SOWAHC: variants seen among roughly 807,000 people sequenced by gnomAD.
SOWAHC encodes ankyrin repeat domain-containing protein SOWAHC.
A neutral mutation model predicts 14.4 loss-of-function variants in SOWAHC; 12 were observed. The observed-to-expected ratio is 0.83, with a 90% CI of 0.53 to 1.35. The LOEUF (loss-of-function observed/expected upper bound fraction) is 1.35. Ranked by LOEUF, SOWAHC falls within the 40% of genes most tolerant of loss-of-function variation. The pLI is 0.00. For missense variants in SOWAHC, 771 were observed against 752.8 expected (o/e 1.02, Z -0.28); for synonymous variants, 398 against 347.0 (o/e 1.15, Z -1.63).
Position 109,615,798 on chromosome 2 carries a change from GACCATCACC to G in SOWAHC, c.1321_1329del (p.His441_His443del), listed in dbSNP as rs746541329. ...CTCACACGCCCTAGAAGATGGAGGGGACCATCACCACCATCACCACTCGGCTGAGGGGTG... is the reference window on the plus strand; with the variant it reads ...CTCACACGCCCTAGAAGATGGAGGGGACCATCACCACTCGGCTGAGGGGTG... On this transcript the variant is annotated inframe_deletion, in exon 1 of 1. Transcript: ENST00000356454. 3.5e-5 allele frequency: 56 copies of G among 1,614,122 alleles called. No individual in the cohort carries two copies. In the Middle Eastern group the frequency reaches 8.2e-4, roughly 24 times the overall value.
At position 109,615,128 on chromosome 2, in the gene SOWAHC, C is replaced by G; in HGVS notation, c.639C>G (p.Ser213=). 1 of 1,549,748 alleles carries G rather than the reference C, an allele frequency of 6.5e-7. No individual in the cohort carries two copies. The highest frequency in any genetic ancestry group is 8.7e-7 in the Non-Finnish European group (1 of 1,146,796). Residue 213 remains serine, a synonymous_variant, in exon 1 of 1, where the codon TCC becomes TCG. Coordinates refer to ENST00000356454, the MANE Select transcript of SOWAHC (RefSeq NM_023016.4). The part of the protein sequence containing the change: ...QNLRDLVMGS[S]PQLKRSVCPG... The stretch of plus-strand genomic sequence containing the variant: ...TCCGTGACCTGGTGATGGGCAGCTC[C>G]CCGCAGCTGAAGAGGAGCGTGTGTC...
Position 109,615,840 on chromosome 2 carries a change from GGCAAAGCCAAGGATCCAGGGC to G in SOWAHC, c.1360_1380del (p.Lys454_Ala460del), listed in dbSNP as rs749846926. 5.0e-6 allele frequency: 8 copies of G among 1,614,164 alleles called. No homozygotes were observed. Among genetic ancestry groups the G allele is most frequent in the Non-Finnish European group, 6.8e-6 (8 of 1,180,032 alleles). On this transcript the variant is annotated inframe_deletion, in exon 1 of 1. Transcript: ENST00000356454. The stretch of plus-strand genomic sequence containing the variant: ...CCACTCGGCTGAGGGGTGGGTCGGA[GGCAAAGCCAAGGATCCAGGGC>G]GCAAAGCCTCGGGCAGCTCTAGTGG...
chr2:109,614,509 G>GGGGCCCCGAGGCGGCGCT lies in SOWAHC; in HGVS notation c.35_52dup (p.Ala12_Ala17dup), dbSNP rs781518026. 6 of 1,258,534 alleles carry GGGGCCCCGAGGCGGCGCT rather than the reference G, an allele frequency of 4.8e-6. No homozygotes were observed. Among genetic ancestry groups the GGGGCCCCGAGGCGGCGCT allele is most frequent in the South Asian group, 6.3e-5 (2 of 31,866 alleles). The allele number at this position is 1,258,534 out of a possible 1,614,324, so 78.0% of individuals were successfully genotyped here. A position where few individuals can be genotyped will look rare whatever the true frequency, so the allele number is the denominator to read the frequency against. On this transcript the variant is annotated inframe_insertion, in exon 1 of 1. Coordinates refer to ENST00000356454, the MANE Select transcript of SOWAHC (RefSeq NM_023016.4). Reference sequence around the variant, plus strand: ...TCGAGGATGGAGGGGCCGGCAGAGTGGGGCCCCGAGGCGGCGCTGGGCCCC... The same window carrying GGGGCCCCGAGGCGGCGCT: ...TCGAGGATGGAGGGGCCGGCAGAGTGGGGCCCCGAGGCGGCGCTGGGCCCCGAGGCGGCGCTGGGCCCC...
chr2:109,615,096 C>G lies in SOWAHC; in HGVS notation c.607C>G (p.Gln203Glu). The G allele has an allele frequency of 6.5e-7, 1 of 1,549,740 alleles. No individual in the cohort carries two copies. The highest frequency in any genetic ancestry group is 8.7e-7 in the Non-Finnish European group (1 of 1,146,782). The change falls in exon 1 of 1, where the codon CAG becomes GAG. Residue 203 changes from glutamine (Q) to glutamate (E), a missense_variant. Physicochemically the swap from Gln to Glu is conservative, Grantham distance 29. Transcript: ENST00000356454. ...VGATAQRPARQNLRDLVMGSS... is the reference protein window; with the variant it reads ...VGATAQRPARENLRDLVMGSS... Reference sequence around the variant, plus strand: ...GGCTACCGCACAGAGGCCGGCCCGCCAGAACCTCCGTGACCTGGTGATGGG... The same window carrying G: ...GGCTACCGCACAGAGGCCGGCCCGCGAGAACCTCCGTGACCTGGTGATGGG...
At position 109,615,565 on chromosome 2, in the gene SOWAHC, T is replaced by A. The variant is rs776999983; in HGVS notation, c.1076T>A (p.Leu359Gln). Residue 359 changes from leucine to glutamine, a missense_variant, in exon 1 of 1, where the codon CTG becomes CAG. By Grantham distance (113) the Leu-to-Gln change is moderately radical (BLOSUM62 -2). Coordinates refer to ENST00000356454, the MANE Select transcript of SOWAHC (RefSeq NM_023016.4). ...AMHGHVEVVK[L>Q]LVGAYDADVD... ...CACGGCCACGTGGAGGTGGTGAAGC[T>A]GCTGGTGGGGGCCTACGACGCCGAT... 1 of 1,614,006 alleles carries A rather than the reference T, an allele frequency of 6.2e-7. No homozygotes were observed. Among genetic ancestry groups the A allele is most frequent in the South Asian group, 1.1e-5 (1 of 91,084 alleles).
At position 109,615,581 on chromosome 2, in the gene SOWAHC, C is replaced by T; in HGVS notation, c.1092C>T (p.Tyr364=). The change falls in exon 1 of 1, where the codon TAC becomes TAT. Residue 364 remains tyrosine, a synonymous_variant. Transcript: ENST00000356454. ...VEVVKLLVGA[Y]DADVDIRDYS... ...TGGTGAAGCTGCTGGTGGGGGCCTA[C>T]GACGCCGATGTGGACATCAGGGACT... The T allele has an allele frequency of 1.2e-6, 2 of 1,614,074 alleles. No individual in the cohort carries two copies. Among genetic ancestry groups the T allele is most frequent in the South Asian group, 1.1e-5 (1 of 91,090 alleles).
At position 109,614,967 on chromosome 2, in the gene SOWAHC, G is replaced by T. The variant is rs1488604022; in HGVS notation, c.478G>T (p.Asp160Tyr). ...GGCTCGCAGGAAGAACTCGCGGCGC[G>T]ACGTGCAGCCCCTACCGCGGACTCC... The part of the protein sequence containing the change: ...AGARRKNSRR[D>Y]VQPLPRTPAP... Residue 160 changes from aspartate to tyrosine, a missense_variant, in exon 1 of 1, where the codon GAC becomes TAC. Coordinates refer to ENST00000356454, the MANE Select transcript of SOWAHC (RefSeq NM_023016.4). 6.5e-7 allele frequency: 1 copy of T among 1,528,856 alleles called. No individual in the cohort carries two copies. The highest frequency in any genetic ancestry group is 8.8e-7 in the Non-Finnish European group (1 of 1,141,558). 94.7% of individuals were successfully genotyped at this position (1,528,856 alleles called of 1,614,324 possible).
In SOWAHC at chr2:109,615,300, T is replaced by C; in HGVS notation, c.811T>C (p.Trp271Arg). The C allele has an allele frequency of 6.2e-7, 1 of 1,603,096 alleles. No individual in the cohort carries two copies. Among genetic ancestry groups the C allele is most frequent in the Non-Finnish European group, 8.5e-7 (1 of 1,175,778 alleles). The part of the protein sequence containing the change: ...SVTLDPLEHA[W>R]MLSASDGKWD... Reference sequence around the variant, plus strand: ...GACGCTGGACCCCCTGGAGCACGCGTGGATGCTCTCTGCCTCCGATGGCAA... The same window carrying C: ...GACGCTGGACCCCCTGGAGCACGCGCGGATGCTCTCTGCCTCCGATGGCAA... Residue 271 changes from tryptophan to arginine, a missense_variant, in exon 1 of 1, where the codon TGG (tryptophan) becomes CGG (arginine). By Grantham distance (101) the Trp-to-Arg change is moderately radical. Coordinates refer to ENST00000356454, the MANE Select transcript of SOWAHC (RefSeq NM_023016.4).
rs1307726401 is a variant in SOWAHC at position 109,616,292 on chromosome 2, T to G, written c.*225T>G. 1.0e-5 allele frequency: 5 copies of G among 484,382 alleles called. No individual in the cohort carries two copies. Among genetic ancestry groups the G allele is most frequent in the Non-Finnish European group, 1.3e-5 (4 of 306,708 alleles). The allele number at this position is 484,382 out of a possible 1,614,324, so 30.0% of individuals were successfully genotyped here. On this transcript the variant is annotated 3_prime_UTR_variant, in exon 1 of 1. Coordinates refer to ENST00000356454, the MANE Select transcript of SOWAHC (RefSeq NM_023016.4). ...CCTGTACCTCTTCTCTGCCCTCCAC[T>G]TCCCTGCCCTGGAGTCCGTTTCTGG...
In SOWAHC at chr2:109,614,409, C is replaced by G; in HGVS notation, c.-81C>G. ...CGCTGAGCCCGCCAGACTCCGCCGC[C>G]GTCGGGAGCCGGCCGCTGGGAGCCC... is the stretch of plus-strand genomic sequence containing the variant. On this transcript the variant is annotated 5_prime_UTR_variant, in exon 1 of 1. Coordinates refer to ENST00000356454, the MANE Select transcript of SOWAHC (RefSeq NM_023016.4). 1 of 1,052,140 alleles carries G rather than the reference C, an allele frequency of 9.5e-7. No homozygotes were observed. The highest frequency in any genetic ancestry group is 1.2e-6 in the Non-Finnish European group (1 of 833,926). 65.2% of individuals were successfully genotyped at this position (1,052,140 alleles called of 1,614,324 possible). A position where few individuals can be genotyped will look rare whatever the true frequency, so the allele number is the denominator to read the frequency against.
chr2:109,618,806 T>C lies in SOWAHC; in HGVS notation c.*2739T>C, dbSNP rs1042873711. 1.8e-5 allele frequency: 3 copies of C among 167,026 alleles called. No homozygotes were observed. The highest frequency in any genetic ancestry group is 7.2e-5 in the African/African-American group (3 of 41,458). 10.3% of individuals were successfully genotyped at this position (167,026 alleles called of 1,614,324 possible). ...TTGAAACTAGTGAGTGTTTGTCACATTTCACTTTCATGGTATATAAAATGC... is the reference window on the plus strand; with the variant it reads ...TTGAAACTAGTGAGTGTTTGTCACACTTCACTTTCATGGTATATAAAATGC... On this transcript the variant is annotated 3_prime_UTR_variant, in exon 1 of 1. Coordinates refer to ENST00000356454, the MANE Select transcript of SOWAHC (RefSeq NM_023016.4).
In SOWAHC at chr2:109,617,623, T is replaced by G. The variant is rs1271122365; in HGVS notation, c.*1556T>G. Reference sequence around the variant, plus strand: ...GGAAGTTCACAGCCTGCGGGGTGAATGAACCCATGTGTGAACTGCACAGAG... The same window carrying G: ...GGAAGTTCACAGCCTGCGGGGTGAAGGAACCCATGTGTGAACTGCACAGAG... On this transcript the variant is annotated 3_prime_UTR_variant, in exon 1 of 1. Transcript: ENST00000356454. 2 of 166,984 alleles carry G rather than the reference T, an allele frequency of 1.2e-5. No homozygotes were observed. The highest frequency in any genetic ancestry group is 2.9e-5 in the Non-Finnish European group (2 of 68,120). The allele number at this position is 166,984 out of a possible 1,614,324, so 10.3% of individuals were successfully genotyped here.
chr2:109,615,004 C>G lies in SOWAHC; in HGVS notation c.515C>G (p.Pro172Arg), dbSNP rs888615058. Reference protein sequence around the residue: ...QPLPRTPAPGPSEDLELPPHG... With the variant: ...QPLPRTPAPGRSEDLELPPHG... The stretch of plus-strand genomic sequence containing the variant: ...CTACCGCGGACTCCAGCCCCGGGGC[C>G]CAGCGAGGACCTGGAGCTCCCGCCA... The change falls in exon 1 of 1, where the codon CCC (proline) becomes CGC (arginine). Residue 172 changes from proline (P) to arginine (R), a missense_variant. Coordinates refer to ENST00000356454, the MANE Select transcript of SOWAHC (RefSeq NM_023016.4). The G allele has an allele frequency of 1.2e-5, 18 of 1,544,230 alleles. No individual in the cohort carries two copies. The highest frequency in any genetic ancestry group is 2.0e-4 in the Middle Eastern group (1 of 5,052).
Position 109,614,571 on chromosome 2 carries a change from C to G in SOWAHC, c.82C>G (p.Arg28Gly), listed in dbSNP as rs557527053. 8 of 1,375,116 alleles carry G rather than the reference C, an allele frequency of 5.8e-6. No individual in the cohort carries two copies. Among genetic ancestry groups the G allele is most frequent in the South Asian group, 1.7e-5 (1 of 59,868 alleles). 85.2% of individuals were successfully genotyped at this position (1,375,116 alleles called of 1,614,324 possible). The change falls in exon 1 of 1, where the codon CGG (arginine) becomes GGG (glycine). Residue 28 changes from arginine (R) to glycine (G), a missense_variant. Arg to Gly is a moderately radical substitution (Grantham distance 125). Transcript: ENST00000356454. Reference sequence around the variant, plus strand: ...GCGCTTCCTGGCGGAGCGCGGGGGCCGGGCCCTGCACGCCGAGCTGGTGCA... The same window carrying G: ...GCGCTTCCTGGCGGAGCGCGGGGGCGGGGCCCTGCACGCCGAGCTGGTGCA... ...VLRFLAERGG[R>G]ALHAELVQHF...
rs1234513843 is a variant in SOWAHC, at chr2:109,614,603, C to A, written c.114C>A (p.Phe38Leu). 4 of 1,454,596 alleles carry A rather than the reference C, an allele frequency of 2.7e-6. No homozygotes were observed. Among genetic ancestry groups the A allele is most frequent in the South Asian group, 1.3e-5 (1 of 75,370 alleles). The allele number at this position is 1,454,596 out of a possible 1,614,324, so 90.1% of individuals were successfully genotyped here. ...TGCACGCCGAGCTGGTGCAGCACTTCAGGGGCGCCCTAGGCGGCGAACCGG... is the reference window on the plus strand; with the variant it reads ...TGCACGCCGAGCTGGTGCAGCACTTAAGGGGCGCCCTAGGCGGCGAACCGG... ...RALHAELVQH[F>L]RGALGGEPEQ... The change falls in exon 1 of 1, where the codon TTC (phenylalanine) becomes TTA (leucine). Residue 38 changes from phenylalanine to leucine, a missense_variant. Transcript: ENST00000356454.
At position 109,614,802 on chromosome 2, in the gene SOWAHC, G is replaced by A; in HGVS notation, c.313G>A (p.Ala105Thr). Residue 105 changes from alanine (A) to threonine (T), a missense_variant, in exon 1 of 1, where the codon GCC becomes ACC. Transcript: ENST00000356454. ...PRIQVTAEPE[A>T]PDGPAGPEAR... ...AATCCAGGTGACCGCCGAGCCCGAG[G>A]CCCCCGACGGCCCTGCCGGGCCCGA... The A allele has an allele frequency of 6.8e-7, 1 of 1,466,626 alleles. No individual in the cohort carries two copies. The highest frequency in any genetic ancestry group is 2.5e-5 in the Admixed American group (1 of 40,792). The allele number at this position is 1,466,626 out of a possible 1,614,324, so 90.9% of individuals were successfully genotyped here.
In SOWAHC at chr2:109,615,623, C is replaced by T. The variant is rs779735280; in HGVS notation, c.1134C>T (p.Ala378=). The change falls in exon 1 of 1, where the codon GCC becomes GCT. Residue 378 remains alanine, a synonymous_variant. Transcript: ENST00000356454. ...VDIRDYSGKK[A]SQYLSRSIAE... is the part of the protein sequence containing the mutation. Reference sequence around the variant, plus strand: ...TCAGGGACTACAGTGGGAAAAAGGCCTCCCAGTACCTGAGTCGGAGCATCG... The same window carrying T: ...TCAGGGACTACAGTGGGAAAAAGGCTTCCCAGTACCTGAGTCGGAGCATCG... The T allele has an allele frequency of 6.2e-7, 1 of 1,613,740 alleles. No individual in the cohort carries two copies. Among genetic ancestry groups the T allele is most frequent in the Non-Finnish European group, 8.5e-7 (1 of 1,179,678 alleles).
In SOWAHC at chr2:109,618,404, A is replaced by C. The variant is rs1481522467; in HGVS notation, c.*2337A>C. The C allele has an allele frequency of 6.0e-6, 1 of 167,234 alleles. No individual in the cohort carries two copies. The allele number at this position is 167,234 out of a possible 1,614,324, so 10.4% of individuals were successfully genotyped here. A position where few individuals can be genotyped will look rare whatever the true frequency, so the allele number is the denominator to read the frequency against. The stretch of plus-strand genomic sequence containing the variant: ...GTTGGTCACTAATTGCACAAAATCT[A>C]TAATTTGCCAGGGCTTTAGAGATTG... On this transcript the variant is annotated 3_prime_UTR_variant, in exon 1 of 1. Transcript: ENST00000356454.
chr2:109,614,664 C>T lies in SOWAHC; in HGVS notation c.175C>T (p.Leu59=). Residue 59 remains leucine, a synonymous_variant, in exon 1 of 1, where the codon CTG becomes TTG. Coordinates refer to ENST00000356454, the MANE Select transcript of SOWAHC (RefSeq NM_023016.4). ...CCGCGCCCGCGCGCACTTCAAGGAG[C>T]TGGTGAACGCCGTGGCCACTGTGCG... The part of the protein sequence containing the change: ...RARARAHFKE[L]VNAVATVRVD... The T allele has an allele frequency of 6.8e-7, 1 of 1,480,316 alleles. No individual in the cohort carries two copies. The allele number at this position is 1,480,316 out of a possible 1,614,324, so 91.7% of individuals were successfully genotyped here. A position where few individuals can be genotyped will look rare whatever the true frequency, so the allele number is the denominator to read the frequency against.
Sources: allele counts gnomAD v4.1 joint callset, GRCh38; gene constraint gnomAD v4.1.1; transcripts MANE v1.5; gene names NCBI Gene and HGNC (gene_info 2026-07-23, HGNC 2026-07-21).